The following FAM168A variants were observed in gnomAD, a reference collection of about 807,000 sequenced individuals.
FAM168A encodes the protein protein FAM168A.
Under a neutral mutation model 28.5 loss-of-function variants are expected in FAM168A, and 3 were observed. The ratio of observed to expected loss-of-function variants is 0.11; its 90% confidence interval spans 0.05 to 0.27. The LOEUF is 0.27. FAM168A is among the 10% of genes least tolerant of loss of function. The pLI is 1.00. For missense variants in FAM168A, 222 were observed against 311.5 expected, an observed-to-expected ratio of 0.71 and a Z score of 2.16; for synonymous variants, 122 against 124.2, an observed-to-expected ratio of 0.98 and a Z score of 0.12.
At chr11:73,436,979 A>G (rs572729255) in intron 2 of FAM168A, among the ~76,000 whole-genome samples, 3 of 152,192 alleles carry the variant, frequency 2.0e-5, no homozygotes, top group Non-Finnish European at 2.9e-5. Context: ...GAAAAGTATC[A>G]CAGGCACTGA....
rs187875399 is a variant in FAM168A, at chr11:73,422,096, G to A, written c.152-2097C>T. On this transcript the variant is annotated intron_variant, in intron 3 of 7. Coordinates refer to ENST00000356467, the MANE Select transcript of FAM168A (RefSeq NM_015159.3). ...AGCGCCACGGTGGAAGGGAACACACGTGGGTCACAGTCACCGCACACAAGG... is the reference window on the plus strand; with the variant it reads ...AGCGCCACGGTGGAAGGGAACACACATGGGTCACAGTCACCGCACACAAGG... Among the ~76,000 whole-genome samples the A allele has an allele frequency of 2.7e-3, 409 of 152,276 alleles. 2 individuals are homozygous for A. Among genetic ancestry groups the A allele is most frequent in the Middle Eastern group, 3.4e-3 (1 of 294 alleles).
At chr11:73,584,616 G>A (rs1180560473) in intron 1 of FAM168A, among the ~76,000 whole-genome samples, 4 of 151,954 alleles carry the variant, frequency 2.6e-5, no homozygotes, top group Non-Finnish European at 4.4e-5. Context: ...CGGGACTACA[G>A]GCGCCCGCCA....
intron 1 of FAM168A, among the ~76,000 whole-genome samples, chr11:73,555,074 G>C (rs1943874647): frequency 6.6e-6 from 1 of 152,178 alleles, no homozygotes. Flanking sequence ...TAGCCTAGAG[G>C]AAAAGGGCAT....
intron 1 of FAM168A, among the ~76,000 whole-genome samples, chr11:73,521,567 C>G (rs976002628): frequency 3.9e-5 from 6 of 152,166 alleles, no homozygotes; most frequent in Admixed American, 2.6e-4. Context: ...ATAACTGCTC[C>G]TAATTTCCTC....
chr11:73,548,209 G>C (rs561007326), intron 1 of FAM168A, among the ~76,000 whole-genome samples: 2 of 152,038 alleles, frequency 1.3e-5, no homozygotes, highest in East Asian at 3.9e-4. Context: ...ACTTAAAAAT[G>C]GTTAAGACAG....
At chr11:73,505,315 C>T (rs946805072) in intron 1 of FAM168A, among the ~76,000 whole-genome samples, 1 of 151,600 alleles carries the variant, frequency 6.6e-6, no homozygotes, top group East Asian at 1.9e-4. Flanking sequence ...TGCTAACCTT[C>T]TTGTGTTCTT....
chr11:73,547,150 C>A (rs965981012), intron 1 of FAM168A, among the ~76,000 whole-genome samples: 31 of 110,998 alleles, frequency 2.8e-4, no homozygotes, highest in African/African-American at 4.9e-4. Context: ...GAGGAGTAGG[C>A]AGAGGAAAAG....
In FAM168A at chr11:73,544,977, A is replaced by ATTTTATATATAGTATATATAATT. The variant is rs1314138694; in HGVS notation, c.-19+52945_-19+52946insAATTATATATACTATATATAAAA. Among the ~76,000 whole-genome samples the ATTTTATATATAGTATATATAATT allele has an allele frequency of 2.3e-3, 189 of 83,822 alleles. 6 individuals are homozygous for ATTTTATATATAGTATATATAATT. The highest frequency in any genetic ancestry group is 0.014 in the African/African-American group (182 of 12,794). 55.0% of individuals were successfully genotyped at this position (83,822 alleles called of 152,430 possible). Reference sequence around the variant, plus strand: ...ATATTATATATAATATATATTATATAATATATTTTATATATAGTATATATA... The same window carrying ATTTTATATATAGTATATATAATT: ...ATATTATATATAATATATATTATATATTTTATATATAGTATATATAATTATATATTTTATATATAGTATATATA... On this transcript the variant is annotated intron_variant, in intron 1 of 7. Coordinates refer to ENST00000356467, the MANE Select transcript of FAM168A (RefSeq NM_015159.3).
intron 2 of FAM168A, among the ~76,000 whole-genome samples, chr11:73,441,062 CT>C (rs368552302): frequency 1.7e-3 from 245 of 143,022 alleles, no homozygotes; most frequent in Non-Finnish European, 1.9e-3. Flanking sequence ...ATCAGACAGA[CT>C]TTTTTTTTTT....
At chr11:73,528,681 G>A (rs1469362316) in intron 1 of FAM168A, among the ~76,000 whole-genome samples, 1 of 152,070 alleles carries the variant, frequency 6.6e-6, no homozygotes, top group Non-Finnish European at 1.5e-5. Flanking sequence ...CCGTCTCTTG[G>A]GGTCTGGAAC....
chr11:73,537,992 CTT>C (rs1336147497), intron 1 of FAM168A, among the ~76,000 whole-genome samples: 1 of 152,114 alleles, frequency 6.6e-6, no homozygotes, highest in Non-Finnish European at 1.5e-5. Context: ...ACACTTGATC[CTT>C]TCCTATATAT....
At chr11:73,414,780 T>C (rs1337714311) in intron 4 of FAM168A, among the ~76,000 whole-genome samples, 1 of 152,250 alleles carries the variant, frequency 6.6e-6, no homozygotes, top group Non-Finnish European at 1.5e-5. Context: ...CAGAGCCTGG[T>C]CTGAGAGACT....
chr11:73,551,627 G>A (rs193128490), intron 1 of FAM168A, among the ~76,000 whole-genome samples: 2 of 152,144 alleles, frequency 1.3e-5, no homozygotes, highest in African/African-American at 4.8e-5. Context: ...TCAGCCAGAC[G>A]ATCACATCTG....
In FAM168A at chr11:73,401,080, T is replaced by TTTTTTA. The variant is rs1555014465; in HGVS notation, c.*5682_*5683insTAAAAA. The TTTTTTA allele has an allele frequency of 6.8e-6, 1 of 146,584 alleles. No homozygotes were observed. Among genetic ancestry groups the TTTTTTA allele is most frequent in the African/African-American group, 2.5e-5 (1 of 40,222 alleles). 9.1% of individuals were successfully genotyped at this position (146,584 alleles called of 1,614,324 possible). ...CTACTTGGAAGACACTGGTCAAAGG[T>TTTTTTA]TTATTATTATTATTATTATTATTAT... On this transcript the variant is annotated 3_prime_UTR_variant, in exon 8 of 8. Transcript: ENST00000356467.
intron 1 of FAM168A, among the ~76,000 whole-genome samples, chr11:73,562,877 G>C (rs951597326): frequency 1.3e-5 from 2 of 152,108 alleles, no homozygotes; most frequent in Non-Finnish European, 2.9e-5. Context: ...GCCTGAACCT[G>C]AGCAAAACGT....
intron 3 of FAM168A, among the ~76,000 whole-genome samples, chr11:73,423,321 G>A (rs551564882): frequency 1.3e-5 from 2 of 152,188 alleles, no homozygotes; most frequent in South Asian, 2.1e-4. Context: ...CACTCAGAGC[G>A]ATATACCTAA....
At chr11:73,569,418 A>C (rs1287605301) in intron 1 of FAM168A, among the ~76,000 whole-genome samples, 2 of 152,184 alleles carry the variant, frequency 1.3e-5, no homozygotes, top group African/African-American at 4.8e-5. Context: ...TGCTCGTTGG[A>C]TTTGAGAAAG....
At chr11:73,515,193 C>T (rs1455788935) in intron 1 of FAM168A, among the ~76,000 whole-genome samples, 1 of 152,098 alleles carries the variant, frequency 6.6e-6, no homozygotes, top group African/African-American at 2.4e-5. Context: ...ACAGCATCAA[C>T]AATTAACACA....
intron 1 of FAM168A, among the ~76,000 whole-genome samples, chr11:73,476,294 G>T (rs1271128912): frequency 6.6e-6 from 1 of 151,908 alleles, no homozygotes; most frequent in Non-Finnish European, 1.5e-5. Flanking sequence ...GCCAACCCAG[G>T]GGTGACCTTT....
Sources: gnomAD v4.1 joint callset for allele counts (sites outside exome capture counted in the v4.1 genomes callset) on GRCh38, gnomAD v4.1.1 for gene constraint, MANE v1.5 for transcripts, NCBI Gene and HGNC (gene_info 2026-07-23, HGNC 2026-07-21) for gene names.